Variants in SUZ12 observed in about 807,000 individuals in gnomAD.
SUZ12 encodes the protein SUZ12 polycomb repressive complex 2 subunit, also known as polycomb protein SUZ12.
In SUZ12, 17 loss-of-function variants were observed where a neutral mutation model predicts 87.3. The ratio of observed to expected loss-of-function variants is 0.19; its 90% CI spans 0.13 to 0.29. The LOEUF is 0.29. Among genes scored for constraint, SUZ12 ranks in the 10% least tolerant of loss-of-function variants. SUZ12 has a pLI of 1.00. For synonymous variants in SUZ12, 253 were observed against 312.4 expected (o/e 0.81, Z 2.01); for missense variants, 526 against 912.2 (o/e 0.58, Z 5.45).
intron 9 of SUZ12, among the ~76,000 whole-genome samples, chr17:31,984,326 A>C (rs192060158): frequency 6.6e-6 from 1 of 152,108 alleles, no homozygotes; most frequent in Admixed American, 6.6e-5. Flanking sequence ...AATTGTGACA[A>C]CTCTTCTCCA....
chr17:31,963,450 C>A (rs113078510), intron 4 of SUZ12, among the ~76,000 whole-genome samples: 2,515 of 151,368 alleles, frequency 0.017, 21 homozygotes, highest in African/African-American at 0.056. Flanking sequence ...TGAGCCACCA[C>A]GCCCAGCTGA....
rs146306622 is a variant in SUZ12 at position 31,988,374 on chromosome 17, C to T, written c.1078C>T (p.Arg360Cys). 7.5e-6 allele frequency: 12 copies of T among 1,607,836 alleles called. No individual in the cohort carries two copies. The highest frequency in any genetic ancestry group is 5.1e-5 in the Admixed American group (3 of 58,656). ...SQGPTLQFTL[R>C]WTGETNDKST... ...GGGACCTACGTTGCAGTTCACTCTTCGTTGGACAGGAGAGACCAATGATAA... is the reference window on the plus strand; with the variant it reads ...GGGACCTACGTTGCAGTTCACTCTTTGTTGGACAGGAGAGACCAATGATAA... Residue 360 changes from arginine (R) to cysteine (C), a missense_variant, in exon 10 of 16, where the codon CGT becomes TGT. Coordinates refer to ENST00000322652, the MANE Select transcript of SUZ12 (RefSeq NM_015355.4).
intron 3 of SUZ12, among the ~76,000 whole-genome samples, chr17:31,945,681 G>C (rs1002080049): frequency 6.6e-6 from 1 of 152,084 alleles, no homozygotes; most frequent in African/African-American, 2.4e-5. Flanking sequence ...TATGAGGTTG[G>C]TTTTGTTTTT....
In SUZ12 at chr17:32,000,632, T is replaced by TAAA. The variant is rs769296762; in HGVS notation, c.*1644_*1646dup. The stretch of plus-strand genomic sequence containing the variant: ...AATTTGCTAAAGCTGTGCACATATG[T>TAAA]AAAAAAAAAAAAAAAAAGATTATTT... On this transcript the variant is annotated 3_prime_UTR_variant, in exon 16 of 16. Transcript: ENST00000322652. The TAAA allele has an allele frequency of 2.0e-5, 4 of 202,690 alleles. No individual in the cohort carries two copies. The highest frequency in any genetic ancestry group is 6.7e-5 in the East Asian group (1 of 14,860). The allele number at this position is 202,690 out of a possible 1,614,324, so 12.6% of individuals were successfully genotyped here. A position where few individuals can be genotyped will look rare whatever the true frequency, so the allele number is the denominator to read the frequency against.
intron 12 of SUZ12, chr17:31,994,297 A>G (rs1325089803): frequency 9.1e-6 from 4 of 439,292 alleles, no homozygotes; most frequent in East Asian, 7.4e-5. Context: ...AAAATCCTCA[A>G]CCAACTCTTT....
At position 31,975,597 on chromosome 17, in the gene SUZ12, A is replaced by T; in HGVS notation, c.707A>T (p.Glu236Val). 6.2e-7 allele frequency: 1 copy of T among 1,614,006 alleles called. No individual in the cohort carries two copies. Among genetic ancestry groups the T allele is most frequent in the Non-Finnish European group, 8.5e-7 (1 of 1,179,916 alleles). Reference protein sequence around the residue: ...NFPSLAVSSNEFEPSNSHMVK... With the variant: ...NFPSLAVSSNVFEPSNSHMVK... ...CCGTCCCTTGCAGTTTCCAGTAATG[A>T]ATTTGAACCTAGTAACAGCCATATG... is the stretch of plus-strand genomic sequence containing the variant. The change falls in exon 7 of 16, where the codon GAA becomes GTA. Residue 236 changes from glutamate to valine, a missense_variant. Coordinates refer to ENST00000322652, the MANE Select transcript of SUZ12 (RefSeq NM_015355.4).
chr17:31,994,681 C>T lies in SUZ12; in HGVS notation c.1555C>T (p.Pro519Ser), dbSNP rs1909882004. 6.2e-7 allele frequency: 1 copy of T among 1,613,870 alleles called. No individual in the cohort carries two copies. Among genetic ancestry groups the T allele is most frequent in the Non-Finnish European group, 8.5e-7 (1 of 1,179,956 alleles). The change falls in exon 13 of 16, where the codon CCA becomes TCA. Residue 519 changes from proline (P) to serine (S), a missense_variant. Physicochemically the swap from Pro to Ser is moderately conservative, Grantham distance 74. Coordinates refer to ENST00000322652, the MANE Select transcript of SUZ12 (RefSeq NM_015355.4). ...QPGFAFSRNGPVKRTPITHIL... is the reference protein window; with the variant it reads ...QPGFAFSRNGSVKRTPITHIL... ...TGGATTTGCTTTTAGTCGCAACGGA[C>T]CAGTTAAGAGAACACCTATCACACA...
rs58491591 is a variant in SUZ12 at position 31,980,429 on chromosome 17, CTTTTTTTTTTTTTTTTTTT to C, written c.918-2551_918-2533del. On this transcript the variant is annotated intron_variant, in intron 8 of 15. Coordinates refer to ENST00000322652, the MANE Select transcript of SUZ12 (RefSeq NM_015355.4). ...TAAGATATACCAGAATCACCTTCTC[CTTTTTTTTTTTTTTTTTTT>C]TTTTTTTTTTTTTTTTTTGAGACGG... 1.5e-3 allele frequency among the ~76,000 whole-genome samples: 81 copies of C among 53,830 alleles called. 2 individuals are homozygous for C. Among genetic ancestry groups the C allele is most frequent in the South Asian group, 0.013 (14 of 1,046 alleles). The allele number at this position is 53,830 out of a possible 152,430, so 35.3% of individuals were successfully genotyped here. A position where few individuals can be genotyped will look rare whatever the true frequency, so the allele number is the denominator to read the frequency against.
At chr17:31,977,858 C>T (rs1908853288) in intron 8 of SUZ12, among the ~76,000 whole-genome samples, 1 of 152,084 alleles carries the variant, frequency 6.6e-6, no homozygotes, top group East Asian at 1.9e-4. Context: ...CACTGCACTC[C>T]ATCCTGGGTG....
At chr17:31,956,464 C>G (rs1259349230) in intron 4 of SUZ12, among the ~76,000 whole-genome samples, 1 of 152,182 alleles carries the variant, frequency 6.6e-6, no homozygotes, top group Admixed American at 6.5e-5. Flanking sequence ...GCTGGGATTA[C>G]AGGCATAAGC....
intron 4 of SUZ12, among the ~76,000 whole-genome samples, chr17:31,949,908 C>A (rs1399841850): frequency 6.6e-6 from 1 of 151,952 alleles, no homozygotes; most frequent in Non-Finnish European, 1.5e-5. Flanking sequence ...GTCTTGAACT[C>A]CTGAGCTCAA....
intron 10 of SUZ12, among the ~76,000 whole-genome samples, chr17:31,989,583 G>T (rs1025707877): frequency 1.5e-5 from 2 of 135,828 alleles, no homozygotes; most frequent in Non-Finnish European, 3.1e-5. Flanking sequence ...GAACTAAGTT[G>T]TTTTTTTTTG....
chr17:31,984,736 A>C (rs763058663), intron 9 of SUZ12, among the ~76,000 whole-genome samples: 21 of 152,252 alleles, frequency 1.4e-4, no homozygotes, highest in Non-Finnish European at 2.9e-4. Context: ...ACTCAACCTT[A>C]TTAGTACTCA....
chr17:31,986,029 C>T (rs142867218), intron 9 of SUZ12, among the ~76,000 whole-genome samples: 259 of 151,928 alleles, frequency 1.7e-3, no homozygotes, highest in Non-Finnish European at 2.7e-3. Flanking sequence ...AGTGCAATGG[C>T]GCGGTCTCAG....
chr17:31,964,429 C>CT (rs1168312018), intron 4 of SUZ12, among the ~76,000 whole-genome samples: 1 of 141,952 alleles, frequency 7.0e-6, no homozygotes, highest in Non-Finnish European at 1.5e-5. Flanking sequence ...TTTTTTGAGA[C>CT]TGAGTCTCCC....
Position 31,993,985 on chromosome 17 carries a change from A to G in SUZ12, c.1414A>G (p.Ser472Gly), listed in dbSNP as rs1909849774. ...ACTCAAGCATCTTAAACTCTGCCATAGCAGATTTATCTTCAACTATGTTGT... is the reference window on the plus strand; with the variant it reads ...ACTCAAGCATCTTAAACTCTGCCATGGCAGATTTATCTTCAACTATGTTGT... ...SLLKHLKLCH[S>G]RFIFNYVYHP... The change falls in exon 12 of 16, where the codon AGC becomes GGC. Residue 472 changes from serine (S) to glycine (G), a missense_variant. Ser to Gly is a moderately conservative substitution (Grantham distance 56). This residue lies in a region of SUZ12 where 143 missense variants were observed against 321.6 expected (regional missense o/e 0.44). Coordinates refer to ENST00000322652, the MANE Select transcript of SUZ12 (RefSeq NM_015355.4). The G allele has an allele frequency of 6.2e-7, 1 of 1,612,954 alleles. No individual in the cohort carries two copies. Among genetic ancestry groups the G allele is most frequent in the African/African-American group, 1.3e-5 (1 of 74,854 alleles).
At chr17:31,952,060 C>T (rs573435019) in intron 4 of SUZ12, among the ~76,000 whole-genome samples, 15 of 152,084 alleles carry the variant, frequency 9.9e-5, no homozygotes, top group African/African-American at 3.4e-4. Context: ...CAGGCTGAGC[C>T]ACTGCGCCCA....
intron 9 of SUZ12, among the ~76,000 whole-genome samples, chr17:31,985,546 C>G (rs1269239617): frequency 1.3e-5 from 2 of 151,128 alleles, no homozygotes; most frequent in Non-Finnish European, 2.9e-5. Context: ...ATGGATTTAT[C>G]TTTATGATCT....
intron 4 of SUZ12, among the ~76,000 whole-genome samples, chr17:31,960,882 T>A (rs1380341230): frequency 6.6e-6 from 1 of 152,014 alleles, no homozygotes; most frequent in African/African-American, 2.4e-5. Flanking sequence ...CTGGCCCCAA[T>A]GTTGTCTTTT....
Sources: allele counts gnomAD v4.1 joint callset (sites outside exome capture counted in the v4.1 genomes callset), GRCh38; gene constraint gnomAD v4.1.1; regional missense constraint gnomAD v4.1.1; transcripts MANE v1.5; gene names NCBI Gene and HGNC (gene_info 2026-07-23, HGNC 2026-07-21).